CDK12: variants seen among roughly 807,000 people sequenced by gnomAD.
The protein encoded by CDK12 is cyclin-dependent kinase 12.
A neutral mutation model predicts 133.8 loss-of-function variants in CDK12; 17 were observed. The ratio of observed to expected loss-of-function variants is 0.13; its 90% confidence interval spans 0.09 to 0.19. The LOEUF is 0.19. Among genes scored for constraint, CDK12 ranks in the 10% least tolerant of loss-of-function variants. CDK12 has a pLI of 1.00. For synonymous variants in CDK12, 694 were observed against 683.6 expected, an observed-to-expected ratio of 1.02 and a Z score of -0.24; for missense variants, 1,508 against 1,818.7, an observed-to-expected ratio of 0.83 and a Z score of 3.11.
In CDK12 at chr17:39,524,731, A is replaced by T. The variant is rs1484763280; in HGVS notation, c.3153A>T (p.Arg1051=). ...ELWSKKRRRQ[R]QSGVVVEEPP... The stretch of plus-strand genomic sequence containing the variant: ...GGAGTAAGAAACGGCGACGTCAGCG[A>T]CAAAGTGGTGTTGTAGTCGAAGAGC... The change falls in exon 12 of 14, where the codon CGA becomes CGT. Residue 1051 remains arginine (R), a synonymous_variant. Transcript: ENST00000447079. 6 of 1,614,190 alleles carry T rather than the reference A, an allele frequency of 3.7e-6. No homozygotes were observed. The highest frequency in any genetic ancestry group is 1.6e-4 in the Middle Eastern group (1 of 6,062).
rs769804352 is a variant in CDK12 at position 39,490,609 on chromosome 17, A to G, written c.1984A>G (p.Thr662Ala). The G allele has an allele frequency of 1.9e-6, 3 of 1,613,834 alleles. No individual in the cohort carries two copies. The highest frequency in any genetic ancestry group is 2.2e-5 in the East Asian group (1 of 44,870). Reference sequence around the variant, plus strand: ...TGTGAAGAAAGAGAAGGAACAGAGGACACGTCACTTACTCACAGACCTTCC... The same window carrying G: ...TGTGAAGAAAGAGAAGGAACAGAGGGCACGTCACTTACTCACAGACCTTCC... Reference protein sequence around the residue: ...KPVKKEKEQRTRHLLTDLPLP... With the variant: ...KPVKKEKEQRARHLLTDLPLP... The change falls in exon 3 of 14, where the codon ACA becomes GCA. Residue 662 changes from threonine to alanine, a missense_variant. Thr to Ala is a moderately conservative substitution (Grantham distance 58). Transcript: ENST00000447079.
intron 3 of CDK12, among the ~76,000 whole-genome samples, chr17:39,559,630 C>T (rs2056293451): frequency 6.6e-6 from 1 of 152,084 alleles, no homozygotes; most frequent in South Asian, 2.1e-4. Context: ...TGCTCTGTCA[C>T]CCAGAATGGA....
intron 2 of CDK12, chr17:39,551,151 G>C (rs141473981): frequency 2.0e-5 from 3 of 152,314 alleles, no homozygotes; most frequent in Non-Finnish European, 4.4e-5. Flanking sequence ...AGGTAGGTAG[G>C]TGTTGGGGGA....
At chr17:39,563,659 C>CCGGCTT (rs1401258876) in intron 3 of CDK12, among the ~76,000 whole-genome samples, 1 of 152,066 alleles carries the variant, frequency 6.6e-6, no homozygotes, top group Non-Finnish European at 1.5e-5. Flanking sequence ...CGAGGCTCTG[C>CCGGCTT]CGGCTTCGCA....
At chr17:39,514,386 T>C (rs2053668259) in intron 8 of CDK12, among the ~76,000 whole-genome samples, 1 of 152,240 alleles carries the variant, frequency 6.6e-6, no homozygotes, top group Non-Finnish European at 1.5e-5. Flanking sequence ...AAAATAAAAG[T>C]ATAAATTTGG....
intron 9 of CDK12, among the ~76,000 whole-genome samples, chr17:39,516,449 T>G (rs1197530156): frequency 2.6e-5 from 4 of 151,158 alleles, no homozygotes; most frequent in Admixed American, 2.6e-4. Flanking sequence ...CTCAAACTCC[T>G]GCACTCAAGT....
chr17:39,487,607 A>ACTTTTTTTTTTTTTTTTTTTTTTTTT (rs2051233192), intron 2 of CDK12, among the ~76,000 whole-genome samples: 1 of 96,350 alleles, frequency 1.0e-5, no homozygotes, highest in African/African-American at 4.4e-5. Context: ...GCATGACACA[A>ACTTTTTTTTTTTTTTTTTTTTTTTTT]TTTTTTTTTT....
intron 1 of CDK12, among the ~76,000 whole-genome samples, chr17:39,541,514 G>C (rs553984378): frequency 9.9e-5 from 15 of 151,958 alleles, no homozygotes; most frequent in African/African-American, 3.6e-4. Context: ...ACAGGCACCC[G>C]CCACCATGCC....
downstream of CDK12, among the ~76,000 whole-genome samples, chr17:39,537,545 T>TTTTATTTTA (rs2055188921): frequency 7.0e-6 from 1 of 142,486 alleles, no homozygotes; most frequent in Non-Finnish European, 1.5e-5. Context: ...AATTCCTTAT[T>TTTTATTTTA]TTTATTTATT....
intron 3 of CDK12, among the ~76,000 whole-genome samples, chr17:39,491,247 C>T (rs2051574259): frequency 1.3e-5 from 2 of 152,018 alleles, no homozygotes; most frequent in Admixed American, 6.6e-5. Flanking sequence ...TATATATACA[C>T]ATTTTTGAGA....
chr17:39,531,175 G>T lies in CDK12; in HGVS notation c.4332G>T (p.Gly1444=), dbSNP rs760664614. ...ETKLQNYGEL[G]PGTTGASSSG... ...AATTGCAAAACTATGGGGAGCTGGG[G>T]CCAGGAACCACTGGGGCCAGCAGCT... Residue 1444 remains glycine (G), a synonymous_variant, in exon 14 of 14, where the codon GGG becomes GGT. Coordinates refer to ENST00000447079, the MANE Select transcript of CDK12 (RefSeq NM_016507.4). The T allele has an allele frequency of 6.6e-7, 1 of 1,524,240 alleles. No homozygotes were observed. The highest frequency in any genetic ancestry group is 2.2e-5 in the Admixed American group (1 of 45,554). The allele number at this position is 1,524,240 out of a possible 1,614,324, so 94.4% of individuals were successfully genotyped here. A position where few individuals can be genotyped will look rare whatever the true frequency, so the allele number is the denominator to read the frequency against.
chr17:39,524,443 T>C (rs1393640931), intron 11 of CDK12, among the ~76,000 whole-genome samples: 1 of 152,200 alleles, frequency 6.6e-6, no homozygotes, highest in Non-Finnish European at 1.5e-5. Context: ...ATTAGCAAGA[T>C]CCTCCTTTCT....
At position 39,492,652 on chromosome 17, in the gene CDK12, G is replaced by C. The variant is rs1431965520; in HGVS notation, c.2109-99G>C. 20 of 701,922 alleles carry C rather than the reference G, an allele frequency of 2.8e-5. No individual in the cohort carries two copies. The East Asian group carries it at 6.4e-4, about 22-fold the overall frequency. The allele number at this position is 701,922 out of a possible 1,614,324, so 43.5% of individuals were successfully genotyped here. A position where few individuals can be genotyped will look rare whatever the true frequency, so the allele number is the denominator to read the frequency against. ...TCTCGATCTCCTGACCTCGTGATCT[G>C]CCAGCCTCGGCCTCCCAAAGTGCTG... On this transcript the variant is annotated intron_variant, in intron 3 of 13. Transcript: ENST00000447079.
chr17:39,469,968 A>G (rs2049664748), intron 1 of CDK12, among the ~76,000 whole-genome samples: 1 of 151,938 alleles, frequency 6.6e-6, no homozygotes, highest in South Asian at 2.1e-4. Context: ...TTTTCACTTT[A>G]TCAAAGATTA....
intron 5 of CDK12, among the ~76,000 whole-genome samples, chr17:39,499,598 C>T (rs568293450): frequency 6.6e-6 from 1 of 151,864 alleles, no homozygotes; most frequent in South Asian, 2.1e-4. Flanking sequence ...CGACCTCTGC[C>T]TGCTGGGTTC....
intron 1 of CDK12, among the ~76,000 whole-genome samples, chr17:39,540,037 CTT>C (rs1350141327): frequency 6.6e-6 from 1 of 152,144 alleles, no homozygotes; most frequent in Non-Finnish European, 1.5e-5. Context: ...ACATTGAGGA[CTT>C]TTGTAGCAGT....
intron 3 of CDK12, among the ~76,000 whole-genome samples, chr17:39,563,473 C>CCT (rs1555594618): frequency 2.2e-5 from 2 of 91,946 alleles, no homozygotes; most frequent in African/African-American, 7.8e-5. Flanking sequence ...GCCCCCCCCC[C>CCT]GCCCCCATAT....
intron 2 of CDK12, among the ~76,000 whole-genome samples, chr17:39,477,869 C>T (rs2050341147): frequency 6.6e-6 from 1 of 151,092 alleles, no homozygotes. Flanking sequence ...CACTGCACCC[C>T]GCCTATTTTT....
At chr17:39,564,678 T>G (rs2056509807) in intron 3 of CDK12, 1 of 152,198 alleles carries the variant, frequency 6.6e-6, no homozygotes, top group Admixed American at 6.5e-5. Flanking sequence ...GACGGAGAGA[T>G]AAAATATCTG....
Sources: allele counts gnomAD v4.1 joint callset (sites outside exome capture counted in the v4.1 genomes callset), GRCh38; gene constraint gnomAD v4.1.1; transcripts MANE v1.5; gene names NCBI Gene and HGNC (gene_info 2026-07-23, HGNC 2026-07-21).